The following PTPN13 variants were observed in gnomAD, a reference collection of about 807,000 sequenced individuals.
PTPN13 encodes tyrosine-protein phosphatase non-receptor type 13.
Under a neutral mutation model 284.0 loss-of-function variants are expected in PTPN13, and 191 were observed. That is an observed-to-expected ratio of 0.67 (90% confidence interval 0.60 to 0.76). PTPN13 has a LOEUF of 0.76. PTPN13 is among the 30% of genes least tolerant of loss of function. The pLI is 0.00. For synonymous variants in PTPN13, 986 were observed against 1,022.3 expected (o/e 0.96, Z 0.68); for missense variants, 2,797 against 2,939.9 (o/e 0.95, Z 1.12).
At chr4:86,679,391 T>C (rs567424482) in intron 3 of PTPN13, among the ~76,000 whole-genome samples, 47 of 152,160 alleles carry the variant, frequency 3.1e-4, no homozygotes, top group Non-Finnish European at 6.5e-4. Context: ...TTGTATCCCC[T>C]ATGCTCTCTA....
intron 1 of PTPN13, among the ~76,000 whole-genome samples, chr4:86,600,903 A>G (rs1764245879): frequency 6.6e-6 from 1 of 152,064 alleles, no homozygotes; most frequent in Non-Finnish European, 1.5e-5. Flanking sequence ...TTTAGAACAG[A>G]AGTTTCAGTT....
chr4:86,780,596 G>A (rs1314809243), intron 36 of PTPN13, 124 bp downstream of exon 36: 2 of 691,722 alleles, frequency 2.9e-6, no homozygotes, highest in Admixed American at 2.2e-5. Context: ...ATATAATCCA[G>A]CTTTTTCACT....
intron 7 of PTPN13, among the ~76,000 whole-genome samples, chr4:86,709,609 C>T (rs1026702127): frequency 6.6e-6 from 1 of 152,174 alleles, no homozygotes; most frequent in African/African-American, 2.4e-5. Flanking sequence ...ACATACTTTT[C>T]ACATATAACC....
chr4:86,734,353 C>A lies in PTPN13; in HGVS notation c.1909C>A (p.Pro637Thr). ...DPDLKLTKVAPEGWKEEPKKK... is the reference protein window; with the variant it reads ...DPDLKLTKVATEGWKEEPKKK... ...TGACTTAAAATTAACCAAAGTGGCC[C>A]CAGAGGGATGGAAAGAAGAACCAAA... The change falls in exon 13 of 48, where the codon CCA becomes ACA. Residue 637 changes from proline (P) to threonine (T), a missense_variant. Pro to Thr is a conservative substitution (Grantham distance 38, BLOSUM62 -1). Coordinates refer to ENST00000411767, the MANE Select transcript of PTPN13 (RefSeq NM_080683.3). 6.4e-7 allele frequency: 1 copy of A among 1,557,956 alleles called. No homozygotes were observed. Among genetic ancestry groups the A allele is most frequent in the Non-Finnish European group, 8.7e-7 (1 of 1,148,720 alleles).
chr4:86,620,716 C>T (rs1245533389), intron 1 of PTPN13, among the ~76,000 whole-genome samples: 1 of 152,178 alleles, frequency 6.6e-6, no homozygotes, highest in Non-Finnish European at 1.5e-5. Flanking sequence ...GTATAGTTTA[C>T]ATTTTCTAAC....
intron 7 of PTPN13, among the ~76,000 whole-genome samples, chr4:86,703,307 T>C (rs1403696976): frequency 6.6e-6 from 1 of 152,138 alleles, no homozygotes; most frequent in African/African-American, 2.4e-5. Flanking sequence ...TTAGGCACTT[T>C]CTATGGTTTA....
At chr4:86,752,125 T>C (rs1397607589) in intron 19 of PTPN13, among the ~76,000 whole-genome samples, 1 of 152,174 alleles carries the variant, frequency 6.6e-6, no homozygotes, top group Non-Finnish European at 1.5e-5. Flanking sequence ...TCTGAACTAC[T>C]ACTCAAAATA....
intron 40 of PTPN13, among the ~76,000 whole-genome samples, chr4:86,792,978 C>A (rs1038083726): frequency 3.9e-5 from 6 of 152,170 alleles, no homozygotes; most frequent in African/African-American, 1.4e-4. Flanking sequence ...GAGCTAACAT[C>A]ATAATGACAA....
At position 86,775,615 on chromosome 4, in the gene PTPN13, G is replaced by C; in HGVS notation, c.5854G>C (p.Asp1952His). ...MTLEEVNRAL[D>H]MSLPSLVLKA... The stretch of plus-strand genomic sequence containing the variant: ...CTTGGAGGAAGTTAACAGAGCATTA[G>C]ACATGTCACTTCCTTCATTGGTATT... Residue 1952 changes from aspartate (D) to histidine (H), a missense_variant, in exon 35 of 48, where the codon GAC becomes CAC. By Grantham distance (81) the Asp-to-His change is moderately conservative. Coordinates refer to ENST00000411767, the MANE Select transcript of PTPN13 (RefSeq NM_080683.3). 5.6e-6 allele frequency: 9 copies of C among 1,613,108 alleles called. No individual in the cohort carries two copies. The highest frequency in any genetic ancestry group is 7.6e-6 in the Non-Finnish European group (9 of 1,179,568).
At chr4:86,686,867 A>G in intron 4 of PTPN13, 92 bp downstream of exon 4, 2 of 871,558 alleles carry the variant, frequency 2.3e-6, no homozygotes, top group Non-Finnish European at 1.8e-6. Flanking sequence ...TACGTGTTCT[A>G]CAGCATGCTG....
At position 86,769,997 on chromosome 4, in the gene PTPN13, A is replaced by G; in HGVS notation, c.4704+14A>G. Reference sequence around the variant, plus strand: ...CTATCTCAGCAGGTGAGCCCCTAGCATGTGGAGTATAGCATTTTTAATGAT... The same window carrying G: ...CTATCTCAGCAGGTGAGCCCCTAGCGTGTGGAGTATAGCATTTTTAATGAT... On this transcript the variant is annotated intron_variant, in intron 29 of 47. Transcript: ENST00000411767. 1 of 1,613,492 alleles carries G rather than the reference A, an allele frequency of 6.2e-7. No homozygotes were observed. Among genetic ancestry groups the G allele is most frequent in the Non-Finnish European group, 8.5e-7 (1 of 1,179,508 alleles).
chr4:86,611,094 T>A (rs1765223549), intron 1 of PTPN13, among the ~76,000 whole-genome samples: 1 of 152,196 alleles, frequency 6.6e-6, no homozygotes, highest in African/African-American at 2.4e-5. Flanking sequence ...CTATTCTTCC[T>A]TTTTCCTACT....
At chr4:86,687,467 T>C (rs1729576048) in intron 4 of PTPN13, among the ~76,000 whole-genome samples, 1 of 152,190 alleles carries the variant, frequency 6.6e-6, no homozygotes, top group South Asian at 2.1e-4. Context: ...CATATAGAAT[T>C]AGGTTTTATT....
Position 86,750,573 on chromosome 4 carries a change from C to A in PTPN13, c.2754C>A (p.Asn918Lys), listed in dbSNP as rs368414091. 6.2e-7 allele frequency: 1 copy of A among 1,613,970 alleles called. No individual in the cohort carries two copies. Among genetic ancestry groups the A allele is most frequent in the Non-Finnish European group, 8.5e-7 (1 of 1,179,882 alleles). Residue 918 changes from asparagine (N) to lysine (K), a missense_variant, in exon 18 of 48, where the codon AAC becomes AAA. Coordinates refer to ENST00000411767, the MANE Select transcript of PTPN13 (RefSeq NM_080683.3). ...GCAGTCTGGCCAGCAGCACCCTCAA[C>A]AAACTTGCTGTTCGACCTTTATCAG... ...STGSLASSTL[N>K]KLAVRPLSVQ...
chr4:86,710,885 A>G (rs1008829814), intron 7 of PTPN13, among the ~76,000 whole-genome samples: 3 of 151,998 alleles, frequency 2.0e-5, no homozygotes, highest in Non-Finnish European at 4.4e-5. Flanking sequence ...ATGATTATAG[A>G]ATCTGTATAA....
At chr4:86,724,119 T>C (rs1250935448) in intron 10 of PTPN13, among the ~76,000 whole-genome samples, 1 of 152,236 alleles carries the variant, frequency 6.6e-6, no homozygotes, top group Non-Finnish European at 1.5e-5. Context: ...CTCATTGTGC[T>C]AATTTTTAAA....
chr4:86,679,397 C>G (rs1442717049), intron 3 of PTPN13, among the ~76,000 whole-genome samples: 3 of 152,276 alleles, frequency 2.0e-5, no homozygotes, highest in Non-Finnish European at 4.4e-5. Flanking sequence ...CCCCTATGCT[C>G]TCTACTAGTG....
At chr4:86,779,467 C>A (rs1185601546) in intron 35 of PTPN13, among the ~76,000 whole-genome samples, 2 of 151,612 alleles carry the variant, frequency 1.3e-5, no homozygotes, top group African/African-American at 4.8e-5. Flanking sequence ...TGTACACATG[C>A]AATAGGTTGT....
chr4:86,688,194 C>A (rs541063130), intron 4 of PTPN13, among the ~76,000 whole-genome samples: 1 of 152,068 alleles, frequency 6.6e-6, no homozygotes, highest in Non-Finnish European at 1.5e-5. Context: ...TAATAATACC[C>A]AAATGGATAA....
Sources: gnomAD v4.1 joint callset for allele counts (sites outside exome capture counted in the v4.1 genomes callset) on GRCh38, gnomAD v4.1.1 for gene constraint, MANE v1.5 for transcripts, NCBI Gene and HGNC (gene_info 2026-07-23, HGNC 2026-07-21) for gene names.